PRKG1: variants seen among roughly 807,000 people sequenced by gnomAD.
PRKG1 encodes cGMP-dependent protein kinase 1.
In PRKG1, 35 loss-of-function variants were observed where a neutral mutation model predicts 88.1. The ratio of observed to expected loss-of-function variants is 0.40; its 90% CI spans 0.30 to 0.53. The LOEUF is 0.53. Ranked by LOEUF, PRKG1 falls within the 20% of genes least tolerant of loss-of-function variation. The pLI, the probability that PRKG1 is intolerant of heterozygous loss-of-function variation, is 0.59. For missense variants in PRKG1, 540 were observed against 839.8 expected (o/e 0.64, Z 4.41); for synonymous variants, 303 against 292.5 (o/e 1.04, Z -0.37).
intron 2 of PRKG1, among the ~76,000 whole-genome samples, chr10:51,371,458 G>A (rs1379758656): frequency 2.0e-5 from 3 of 151,950 alleles, no homozygotes; most frequent in Admixed American, 6.6e-5. Context: ...AAGAGAGAGC[G>A]AGAGAGAAAA....
In PRKG1 at chr10:51,663,723, A is replaced by AAC. The variant is rs1564596082; in HGVS notation, c.593-140857_593-140856dup. ...GTCTCAAAAAAAAAAAAAAAAAAAA[A>AAC]ACACACCTGACTTTTTGATATTGTC... On this transcript the variant is annotated intron_variant, in intron 3 of 17. Transcript: ENST00000373980. 9.0e-4 allele frequency among the ~76,000 whole-genome samples: 134 copies of AAC among 148,116 alleles called. 8 individuals are homozygous for AAC. The highest frequency in any genetic ancestry group is 1.2e-3 in the Non-Finnish European group (82 of 67,008).
intron 3 of PRKG1, among the ~76,000 whole-genome samples, chr10:51,743,989 A>G (rs866737377): frequency 6.6e-6 from 1 of 151,496 alleles, no homozygotes. Flanking sequence ...TACTTTTATA[A>G]TTGTAGCTTG....
At chr10:51,838,547 A>T (rs1459964477) in intron 4 of PRKG1, among the ~76,000 whole-genome samples, 1 of 152,204 alleles carries the variant, frequency 6.6e-6, no homozygotes, top group Admixed American at 6.5e-5. Flanking sequence ...TCCTTTTTTA[A>T]GTCAAAGATA....
chr10:51,455,559 T>C (rs1249612788), intron 2 of PRKG1, among the ~76,000 whole-genome samples: 1 of 152,212 alleles, frequency 6.6e-6, no homozygotes, highest in Non-Finnish European at 1.5e-5. Context: ...AAATTTCTTC[T>C]GCCAGATACC....
chr10:51,746,797 G>T (rs59490558), intron 3 of PRKG1, among the ~76,000 whole-genome samples: 3,661 of 151,966 alleles, frequency 0.024, 150 homozygotes, highest in African/African-American at 0.082. Flanking sequence ...GAAAGCATTT[G>T]CTCCATCATG....
intron 3 of PRKG1, among the ~76,000 whole-genome samples, chr10:51,583,599 T>A (rs1223801908): frequency 1.3e-5 from 2 of 152,140 alleles, no homozygotes; most frequent in Non-Finnish European, 2.9e-5. Context: ...TAGACCATCA[T>A]CTTCTCTATC....
Position 50,991,337 on chromosome 10 carries a change from C to CGCG in PRKG1, c.-40_-39insGGC, listed in dbSNP as rs779866456. On this transcript the variant is annotated 5_prime_UTR_variant, in exon 1 of 18. Coordinates refer to the PRKG1 transcript ENST00000401604. The surrounding 1 kb of genome is among the most constrained non-coding windows in gnomAD (Gnocchi z 4.5). ...CCGCCGCCGCCGCCGCCGCCGCCGC[C>CGCG]GCCGCCCGAGAAAAAGTTTCGCGGA... is the stretch of plus-strand genomic sequence containing the variant. 3.2e-4 allele frequency: 466 copies of CGCG among 1,440,252 alleles called. No homozygotes were observed. In the African/African-American group the frequency reaches 6.3e-3, roughly 20 times the overall value. 89.2% of individuals were successfully genotyped at this position (1,440,252 alleles called of 1,614,324 possible).
intron 2 of PRKG1, among the ~76,000 whole-genome samples, chr10:51,362,681 AG>A (rs1264398158): frequency 2.0e-5 from 3 of 151,790 alleles, no homozygotes; most frequent in African/African-American, 7.3e-5. Flanking sequence ...CAGAACGTGC[AG>A]GTTTTTTACA....
At chr10:51,578,110 A>G (rs1837934682) in intron 3 of PRKG1, among the ~76,000 whole-genome samples, 1 of 152,122 alleles carries the variant, frequency 6.6e-6, no homozygotes, top group African/African-American at 2.4e-5. Context: ...TAAAACAGGA[A>G]CATAATGCTC....
At chr10:52,158,987 G>A (rs945179195) in intron 8 of PRKG1, among the ~76,000 whole-genome samples, 1 of 151,256 alleles carries the variant, frequency 6.6e-6, no homozygotes, top group South Asian at 2.1e-4. Flanking sequence ...AAATACTTAT[G>A]CTATAATATT....
intron 2 of PRKG1, among the ~76,000 whole-genome samples, chr10:51,240,624 T>C (rs1405051088): frequency 6.6e-6 from 1 of 152,228 alleles, no homozygotes; most frequent in Non-Finnish European, 1.5e-5. Flanking sequence ...TTTGTATTTA[T>C]GTATCTAATT....
chr10:51,574,159 A>G (rs1243950823), intron 3 of PRKG1, among the ~76,000 whole-genome samples: 1 of 151,938 alleles, frequency 6.6e-6, no homozygotes, highest in Non-Finnish European at 1.5e-5. Context: ...AATGCGTATT[A>G]AATAGATATT....
At position 51,879,070 on chromosome 10, in the gene PRKG1, C is replaced by G. The variant is rs1001313686; in HGVS notation, c.699-28437C>G. Among the ~76,000 whole-genome samples, 43 of 152,116 alleles carry G rather than the reference C, an allele frequency of 2.8e-4. 2 individuals carry two copies. On this transcript the variant is annotated intron_variant, in intron 4 of 17. Transcript: ENST00000373980. The stretch of plus-strand genomic sequence containing the variant: ...ACCTCTAAATATTTCAAGCTGACAT[C>G]AAAACAGAATAGGCAGGAGATAGAA...
chr10:52,195,073 G>T (rs1320042740), intron 9 of PRKG1, among the ~76,000 whole-genome samples: 1 of 152,122 alleles, frequency 6.6e-6, no homozygotes, highest in Non-Finnish European at 1.5e-5. Flanking sequence ...AGATGGTTTT[G>T]TGATGAGAAA....
intron 2 of PRKG1, among the ~76,000 whole-genome samples, chr10:51,386,183 A>G (rs1320949576): frequency 2.0e-5 from 3 of 152,130 alleles, no homozygotes; most frequent in Admixed American, 2.0e-4. Context: ...TTCAGATCCC[A>G]TGGTGAACTG....
chr10:51,257,795 A>AGTT (rs1839603608), intron 2 of PRKG1, among the ~76,000 whole-genome samples: 1 of 152,168 alleles, frequency 6.6e-6, no homozygotes, highest in Non-Finnish European at 1.5e-5. Context: ...ATTCTGATGA[A>AGTT]CTAGGCTCTT....
intron 1 of PRKG1, among the ~76,000 whole-genome samples, chr10:50,997,192 C>A (rs1474482957): frequency 1.3e-5 from 2 of 152,082 alleles, no homozygotes; most frequent in Non-Finnish European, 2.9e-5. Flanking sequence ...TATTTTGCAT[C>A]GGTACCAGAG....
intron 4 of PRKG1, among the ~76,000 whole-genome samples, chr10:51,885,649 G>A (rs995972420): frequency 1.3e-4 from 20 of 152,140 alleles, no homozygotes; most frequent in African/African-American, 3.1e-4. Context: ...CCTTTAATAC[G>A]CTGTTTCACA....
intron 9 of PRKG1, 107 bp downstream of exon 9, chr10:52,162,070 C>G (rs1277158539): frequency 9.1e-5 from 85 of 931,520 alleles, no homozygotes; most frequent in East Asian, 7.8e-5. Context: ...CAGGAAACAA[C>G]TAATTAGTTG....
Sources: allele counts gnomAD v4.1 joint callset (sites outside exome capture counted in the v4.1 genomes callset), GRCh38; gene constraint gnomAD v4.1.1; non-coding constraint Gnocchi (gnomAD v3.1); transcripts MANE v1.5; gene names NCBI Gene and HGNC (gene_info 2026-07-23, HGNC 2026-07-21).